ZFAND3: variants seen among roughly 807,000 people sequenced by gnomAD.
ZFAND3 encodes the protein zinc finger AN1-type containing 3.
In ZFAND3, 10 loss-of-function variants were observed where a neutral mutation model predicts 29.6. The ratio of observed to expected loss-of-function variants is 0.34; its 90% CI spans 0.21 to 0.57. ZFAND3 has a LOEUF of 0.57. Ranked by LOEUF, ZFAND3 falls within the 20% of genes least tolerant of loss-of-function variation. The pLI, the probability that ZFAND3 is intolerant of heterozygous loss-of-function variation, is 0.86. For missense variants in ZFAND3, 230 were observed against 304.5 expected, an observed-to-expected ratio of 0.76 and a Z score of 1.82; for synonymous variants, 128 against 112.6, an observed-to-expected ratio of 1.14 and a Z score of -0.87.
At chr6:37,931,049 A>G (rs369479025) in intron 2 of ZFAND3, among the ~76,000 whole-genome samples, 6 of 152,210 alleles carry the variant, frequency 3.9e-5, no homozygotes, top group African/African-American at 1.4e-4. Flanking sequence ...GATTGGTAAA[A>G]TATGGTGATT....
In ZFAND3 at chr6:38,153,483, A is replaced by C. The variant is rs1766279440; in HGVS notation, c.*1094A>C. ...CATCTACCATATAGCAAGTTTAGTA[A>C]GGGAAGGCAGCATACGTCCCAGGGA... On this transcript the variant is annotated 3_prime_UTR_variant, in exon 6 of 6. Coordinates refer to ENST00000287218, the MANE Select transcript of ZFAND3 (RefSeq NM_021943.3). 1.0e-6 allele frequency: 1 copy of C among 985,480 alleles called. No homozygotes were observed. The highest frequency in any genetic ancestry group is 1.2e-6 in the Non-Finnish European group (1 of 830,084). The allele number at this position is 985,480 out of a possible 1,614,324, so 61.0% of individuals were successfully genotyped here.
At chr6:37,920,262 A>G (rs1761353298) in intron 1 of ZFAND3, among the ~76,000 whole-genome samples, 3 of 151,658 alleles carry the variant, frequency 2.0e-5, no homozygotes, top group Admixed American at 2.0e-4. Context: ...TAGCCTCATT[A>G]AGTTTCTCTT....
chr6:37,852,568 C>G (rs1208802242), intron 1 of ZFAND3, among the ~76,000 whole-genome samples: 1 of 152,222 alleles, frequency 6.6e-6, no homozygotes, highest in East Asian at 1.9e-4. Flanking sequence ...CTTCTTATTT[C>G]TTCTCTTTTT....
At chr6:38,110,518 C>G (rs2127482078) in intron 4 of ZFAND3, among the ~76,000 whole-genome samples, 1 of 152,126 alleles carries the variant, frequency 6.6e-6, no homozygotes, top group East Asian at 1.9e-4. Context: ...AAGGTTTTAC[C>G]AGCTAAAAGC....
intron 2 of ZFAND3, among the ~76,000 whole-genome samples, chr6:38,001,873 T>A (rs998368220): frequency 2.0e-5 from 3 of 152,222 alleles, no homozygotes; most frequent in Non-Finnish European, 4.4e-5. Flanking sequence ...AATTGAGTTA[T>A]GGCTGTTGGT....
chr6:37,853,392 A>T (rs1309737772), intron 1 of ZFAND3, among the ~76,000 whole-genome samples: 1 of 147,630 alleles, frequency 6.8e-6, no homozygotes, highest in African/African-American at 2.6e-5. Context: ...CATTTTGCCA[A>T]CAGCCCTTCT....
intron 5 of ZFAND3, among the ~76,000 whole-genome samples, chr6:38,149,087 T>G (rs1766168269): frequency 2.0e-5 from 3 of 152,014 alleles, no homozygotes; most frequent in Admixed American, 2.0e-4. Flanking sequence ...CGTGGATTTT[T>G]GAAAGCATTC....
At chr6:37,861,236 G>A (rs964812153) in intron 1 of ZFAND3, among the ~76,000 whole-genome samples, 54 of 152,270 alleles carry the variant, frequency 3.5e-4, no homozygotes, top group South Asian at 1.5e-3. Flanking sequence ...CTGCCTGGGC[G>A]ACAGAGCTAG....
intron 1 of ZFAND3, among the ~76,000 whole-genome samples, chr6:37,824,993 A>T (rs1425264601): frequency 1.3e-5 from 2 of 152,232 alleles, no homozygotes; most frequent in Non-Finnish European, 2.9e-5. Flanking sequence ...TATTTTTGGC[A>T]ATCATAAGAT....
intron 1 of ZFAND3, among the ~76,000 whole-genome samples, chr6:37,837,733 C>T (rs1464877736): frequency 2.6e-5 from 4 of 151,950 alleles, no homozygotes; most frequent in African/African-American, 4.8e-5. Context: ...CTCGAACTCC[C>T]GACCTCAGTT....
intron 1 of ZFAND3, among the ~76,000 whole-genome samples, chr6:37,900,766 T>G (rs1048754752): frequency 4.6e-5 from 7 of 152,142 alleles, no homozygotes; most frequent in African/African-American, 1.7e-4. Flanking sequence ...CAGAATCGGG[T>G]GGGGCAAGAA....
intron 1 of ZFAND3, among the ~76,000 whole-genome samples, chr6:37,838,137 C>T (rs1764003209): frequency 6.6e-6 from 1 of 152,138 alleles, no homozygotes; most frequent in African/African-American, 2.4e-5. Context: ...GAACTTCTGG[C>T]TCAGATTTAG....
At chr6:37,830,082 T>G (rs752009693) in intron 1 of ZFAND3, among the ~76,000 whole-genome samples, 2 of 152,194 alleles carry the variant, frequency 1.3e-5, no homozygotes, top group Non-Finnish European at 2.9e-5. Flanking sequence ...CTAAATAAAT[T>G]AGATTTTTAC....
intron 1 of ZFAND3, among the ~76,000 whole-genome samples, chr6:37,923,706 C>T (rs958446749): frequency 3.3e-5 from 5 of 152,122 alleles, no homozygotes; most frequent in African/African-American, 1.2e-4. Flanking sequence ...AACACTACAG[C>T]TATGATGCCA....
At chr6:38,144,004 A>G (rs1296951894) in intron 5 of ZFAND3, among the ~76,000 whole-genome samples, 1 of 151,626 alleles carries the variant, frequency 6.6e-6, no homozygotes, top group South Asian at 2.1e-4. Flanking sequence ...GGGTCACCGG[A>G]TGTGGTATAA....
intron 1 of ZFAND3, among the ~76,000 whole-genome samples, chr6:37,917,316 A>T (rs1173627853): frequency 6.6e-6 from 1 of 152,164 alleles, no homozygotes; most frequent in African/African-American, 2.4e-5. Flanking sequence ...ACAAAACCCA[A>T]TTGCGACGTC....
At chr6:37,906,822 TCTTC>T (rs1403045984) in intron 1 of ZFAND3, among the ~76,000 whole-genome samples, 1 of 152,120 alleles carries the variant, frequency 6.6e-6, no homozygotes, top group African/African-American at 2.4e-5. Context: ...CATTCGTATA[TCTTC>T]TTTGAAGAAA....
At position 38,154,309 on chromosome 6, in the gene ZFAND3, G is replaced by A; in HGVS notation, c.*1920G>A. The A allele has an allele frequency of 1.0e-6, 1 of 984,782 alleles. No homozygotes were observed. Among genetic ancestry groups the A allele is most frequent in the Non-Finnish European group, 1.2e-6 (1 of 829,918 alleles). The allele number at this position is 984,782 out of a possible 1,614,324, so 61.0% of individuals were successfully genotyped here. ...CTGCCTGCTGCGTGGAGGCAGCCAT[G>A]GGAAGGAGCCCAGGGGAGCTGGCCT... On this transcript the variant is annotated 3_prime_UTR_variant, in exon 6 of 6. Transcript: ENST00000287218.
At position 38,153,997 on chromosome 6, in the gene ZFAND3, AG is replaced by A; in HGVS notation, c.*1610del. The A allele has an allele frequency of 1.0e-6, 1 of 985,510 alleles. No homozygotes were observed. 61.0% of individuals were successfully genotyped at this position (985,510 alleles called of 1,614,324 possible). A position where few individuals can be genotyped will look rare whatever the true frequency, so the allele number is the denominator to read the frequency against. On this transcript the variant is annotated 3_prime_UTR_variant, in exon 6 of 6. Coordinates refer to ENST00000287218, the MANE Select transcript of ZFAND3 (RefSeq NM_021943.3). ...GTTTTTTGATCCGACGTACTGAAAT[AG>A]GAAGTCATGCTCTTCCCACCCTCCA...
Sources: gnomAD v4.1 joint callset for allele counts (sites outside exome capture counted in the v4.1 genomes callset) on GRCh38, gnomAD v4.1.1 for gene constraint, MANE v1.5 for transcripts, NCBI Gene and HGNC (gene_info 2026-07-23, HGNC 2026-07-21) for gene names.